SCUBE2: variants seen among roughly 807,000 people sequenced by gnomAD.
SCUBE2 encodes signal peptide, CUB domain and EGF like domain containing 2.
In SCUBE2, 114 loss-of-function variants were observed where a neutral mutation model predicts 125.9. That is an observed-to-expected ratio of 0.91 (90% CI 0.78 to 1.06). SCUBE2 has a LOEUF of 1.06. Among genes scored for constraint, SCUBE2 ranks in the 50% least tolerant of loss-of-function variants. SCUBE2 has a pLI of 0.00. For synonymous variants in SCUBE2, 459 were observed against 492.9 expected, an observed-to-expected ratio of 0.93 and a Z score of 0.91; for missense variants, 1,255 against 1,301.8, an observed-to-expected ratio of 0.96 and a Z score of 0.55.
At chr11:9,025,908 A>G in intron 20 of SCUBE2, 54 bp from the exon 21 acceptor site, 1 of 1,547,252 alleles carries the variant, frequency 6.5e-7, no homozygotes. Context: ...CTGATCAGGC[A>G]TAGAGTAGAT....
rs1157253769 is a variant in SCUBE2, at chr11:9,023,693, T to TGCA, written c.2855-1741_2855-1739dup. Among the ~76,000 whole-genome samples the TGCA allele has an allele frequency of 2.6e-5, 4 of 152,372 alleles. No homozygotes were observed. The East Asian group carries it at 5.8e-4, about 22-fold the overall frequency. On this transcript the variant is annotated intron_variant, in intron 21 of 22. Coordinates refer to ENST00000649792, the MANE Select transcript of SCUBE2 (RefSeq NM_001367977.2). ...CACAGTCCTGGTTCAAACCTTGCTT[T>TGCA]GCAACCTTGCCATGCTGGGACCTTA... is the stretch of plus-strand genomic sequence containing the variant.
chr11:9,025,291 A>G (rs2135032137), intron 21 of SCUBE2, among the ~76,000 whole-genome samples: 1 of 152,318 alleles, frequency 6.6e-6, no homozygotes, highest in Admixed American at 6.5e-5. Flanking sequence ...TTACTGAACA[A>G]TTGCTATGTG....
At position 9,059,306 on chromosome 11, in the gene SCUBE2, G is replaced by A. The variant is rs2135570008; in HGVS notation, c.1087C>T (p.Gln363Ter). The change falls in exon 9 of 23, where the codon CAA (glutamine) becomes TAA (stop). Residue 363 changes from glutamine (Q) to a stop codon, truncating the protein, a stop_gained. Transcript: ENST00000649792. LOFTEE classifies it high-confidence loss of function. ...CAGCTATGTTTTCAGCACATACCTT[G>A]GCAAGACTTCTCATCTGTTAATAAT... ...FKLLTDEKSC[Q>*]DVDECSLDRT... 1 of 1,614,000 alleles carries A rather than the reference G, an allele frequency of 6.2e-7. No homozygotes were observed. Among genetic ancestry groups the A allele is most frequent in the East Asian group, 2.2e-5 (1 of 44,884 alleles).
intron 16 of SCUBE2, among the ~76,000 whole-genome samples, chr11:9,046,549 G>A (rs1186419643): frequency 6.6e-6 from 1 of 152,194 alleles, no homozygotes; most frequent in African/African-American, 2.4e-5. Flanking sequence ...GAGGGGTGCA[G>A]TGTAACCCTG....
chr11:9,061,414 C>T (rs867371223), intron 7 of SCUBE2, among the ~76,000 whole-genome samples: 2 of 151,860 alleles, frequency 1.3e-5, no homozygotes, highest in Non-Finnish European at 2.9e-5. Flanking sequence ...AAAAAATTAG[C>T]GAGGCCTGGT....
intron 7 of SCUBE2, among the ~76,000 whole-genome samples, chr11:9,063,688 G>T (rs760587941): frequency 1.3e-5 from 2 of 152,154 alleles, no homozygotes; most frequent in African/African-American, 4.8e-5. Flanking sequence ...CAAGACATAG[G>T]ATCCACCCAA....
At chr11:9,064,873 C>CA (rs1860055284) in intron 7 of SCUBE2, 1 of 152,014 alleles carries the variant, frequency 6.6e-6, no homozygotes, top group South Asian at 2.1e-4. Flanking sequence ...AGTAACGCAC[C>CA]AAAGGATCTG....
chr11:9,047,260 T>G, intron 16 of SCUBE2, 96 bp downstream of exon 16: 2 of 1,268,480 alleles, frequency 1.6e-6, no homozygotes, highest in Non-Finnish European at 2.3e-6. Flanking sequence ...AAGTGAGCCC[T>G]GAGAAGGGAG....
chr11:9,088,149 G>A (rs2742533), intron 2 of SCUBE2, among the ~76,000 whole-genome samples: 30,533 of 152,184 alleles, frequency 0.2, 3,166 homozygotes, highest in South Asian at 0.28. Context: ...TCAGGGTCTG[G>A]ACACTAGGCC....
chr11:9,031,463 A>C (rs1856301280), intron 17 of SCUBE2, among the ~76,000 whole-genome samples: 1 of 152,190 alleles, frequency 6.6e-6, no homozygotes, highest in South Asian at 2.1e-4. Flanking sequence ...CGAAATCTCT[A>C]CAAAAAAATT....
intron 16 of SCUBE2, among the ~76,000 whole-genome samples, chr11:9,045,602 G>GACAC (rs1370380116): frequency 2.7e-5 from 2 of 75,396 alleles, no homozygotes; most frequent in Admixed American, 1.7e-4. Flanking sequence ...CTAGAAGACA[G>GACAC]ACAGACAGAC....
intron 17 of SCUBE2, 97 bp from the exon 18 acceptor site, chr11:9,031,022 A>G: frequency 2.6e-6 from 3 of 1,166,038 alleles, no homozygotes; most frequent in Non-Finnish European, 2.4e-6. Context: ...CCTGTTACCC[A>G]GTGCTGACCG....
At chr11:9,062,740 A>G (rs562870638) in intron 7 of SCUBE2, among the ~76,000 whole-genome samples, 2 of 152,274 alleles carry the variant, frequency 1.3e-5, no homozygotes, top group African/African-American at 4.8e-5. Flanking sequence ...CATGAAAACG[A>G]AAACTTTATC....
At chr11:9,036,668 G>T (rs1282712221) in intron 16 of SCUBE2, among the ~76,000 whole-genome samples, 34 of 152,180 alleles carry the variant, frequency 2.2e-4, no homozygotes, top group Non-Finnish European at 1.6e-4. Context: ...TTCCATCATG[G>T]TTCCTCTGGC....
chr11:9,047,579 G>C lies in SCUBE2; in HGVS notation c.1796-17C>G, dbSNP rs761666134. On this transcript the variant is annotated splice_polypyrimidine_tract_variant and intron_variant, in intron 15 of 22. Transcript: ENST00000649792. ...CACAAGAAGCTACAGAAACAAGAGG[G>C]ACAGCAGTGCGGGAGGAGATCAGGC... 2 of 1,612,386 alleles carry C rather than the reference G, an allele frequency of 1.2e-6. No individual in the cohort carries two copies. Among genetic ancestry groups the C allele is most frequent in the South Asian group, 2.2e-5 (2 of 90,866 alleles).
At chr11:9,065,707 G>T (rs776505139) in intron 7 of SCUBE2, among the ~76,000 whole-genome samples, 184 bp downstream of exon 7, 1 of 152,178 alleles carries the variant, frequency 6.6e-6, no homozygotes, top group African/African-American at 2.4e-5. Flanking sequence ...CAAGGGTCTT[G>T]CTTGGTTGGT....
At chr11:9,028,225 T>C (rs1338902233) in intron 19 of SCUBE2, among the ~76,000 whole-genome samples, 1 of 150,848 alleles carries the variant, frequency 6.6e-6, no homozygotes, top group Non-Finnish European at 1.5e-5. Flanking sequence ...TTTTTTTTTG[T>C]GGAGACAAGG....
rs750513459 is a variant in SCUBE2, at chr11:9,079,349, G to A, written c.382+35C>T. 6 of 1,613,002 alleles carry A rather than the reference G, an allele frequency of 3.7e-6. No homozygotes were observed. In the South Asian group the frequency reaches 6.6e-5, roughly 18 times the overall value. ...AAGGGAAAGAAAGGGGTGGGAGAGT[G>A]AAGGAGAATTGCCATTTCCAAATGC... On this transcript the variant is annotated intron_variant, in intron 3 of 22. Transcript: ENST00000649792.
intron 3 of SCUBE2, among the ~76,000 whole-genome samples, chr11:9,079,162 C>T (rs1861432068): frequency 6.6e-6 from 1 of 152,188 alleles, no homozygotes; most frequent in African/African-American, 2.4e-5. Flanking sequence ...ATAGTAATGA[C>T]GATGTCACCC....
Sources: allele counts gnomAD v4.1 joint callset (sites outside exome capture counted in the v4.1 genomes callset), GRCh38; gene constraint gnomAD v4.1.1; transcripts MANE v1.5; gene names NCBI Gene and HGNC (gene_info 2026-07-23, HGNC 2026-07-21).